CALD1: variants seen among roughly 807,000 people sequenced by gnomAD.
The protein encoded by CALD1 is caldesmon.
A neutral mutation model predicts 99.9 loss-of-function variants in CALD1; 33 were observed. That is an observed-to-expected ratio of 0.33 (90% CI 0.25 to 0.44). The LOEUF (loss-of-function observed/expected upper bound fraction) is 0.44. Ranked by LOEUF, CALD1 falls within the 20% of genes least tolerant of loss-of-function variation. CALD1 has a pLI of 1.00. For missense variants in CALD1, 861 were observed against 962.1 expected, an observed-to-expected ratio of 0.89 and a Z score of 1.39; for synonymous variants, 310 against 325.0, an observed-to-expected ratio of 0.95 and a Z score of 0.50.
At chr7:134,785,902 AT>A (rs1461898495) in intron 1 of CALD1, among the ~76,000 whole-genome samples, 1 of 152,232 alleles carries the variant, frequency 6.6e-6, no homozygotes, top group African/African-American at 2.4e-5. Flanking sequence ...AATTCATAGA[AT>A]TTTTAAGCTG....
chr7:134,874,345 T>A (rs1801247384), intron 3 of CALD1, among the ~76,000 whole-genome samples: 1 of 151,954 alleles, frequency 6.6e-6, no homozygotes, highest in Admixed American at 6.6e-5. Flanking sequence ...CACACCCAGC[T>A]AGTTTTTGTA....
intron 1 of CALD1, among the ~76,000 whole-genome samples, chr7:134,772,758 G>A (rs1796886923): frequency 6.6e-6 from 1 of 152,118 alleles, no homozygotes; most frequent in African/African-American, 2.4e-5. Flanking sequence ...TATTGCAAGT[G>A]CTTTTGCCAA....
intron 1 of CALD1, among the ~76,000 whole-genome samples, chr7:134,803,839 G>A (rs988957730): frequency 6.6e-6 from 1 of 152,010 alleles, no homozygotes; most frequent in Non-Finnish European, 1.5e-5. Flanking sequence ...GGGATTACAG[G>A]TGCAGGCCAC....
intron 7 of CALD1, chr7:134,944,381 G>C (rs1806691960): frequency 6.7e-6 from 1 of 149,840 alleles, no homozygotes; most frequent in Non-Finnish European, 1.5e-5. Context: ...TCTATGCAGT[G>C]CACTCTGATA....
the CALD1 span, among the ~76,000 whole-genome samples, chr7:134,727,470 C>T: frequency 6.6e-6 from 1 of 152,210 alleles, no homozygotes; most frequent in Non-Finnish European, 1.5e-5. Context: ...TCATCTAGTC[C>T]ACAAAATAGA....
chr7:134,717,244 T>C, the CALD1 span, among the ~76,000 whole-genome samples: 2 of 152,170 alleles, frequency 1.3e-5, no homozygotes, highest in Non-Finnish European at 2.9e-5. Flanking sequence ...GTAGGGTTCA[T>C]TCTGTGTTGC....
At chr7:134,934,153 T>A (rs1805766574) in intron 5 of CALD1, 76 bp downstream of exon 5, 2 of 1,540,508 alleles carry the variant, frequency 1.3e-6, no homozygotes, top group African/African-American at 1.4e-5. Context: ...GATTTGGGAC[T>A]GAGGCCACAT....
intron 1 of CALD1, among the ~76,000 whole-genome samples, chr7:134,798,602 T>G (rs191619614): frequency 6.6e-6 from 1 of 152,338 alleles, no homozygotes; most frequent in East Asian, 1.9e-4. Context: ...CCCCAAATCT[T>G]GAGATCTAAA....
At chr7:134,907,564 T>C (rs907049029) in intron 3 of CALD1, among the ~76,000 whole-genome samples, 6 of 152,188 alleles carry the variant, frequency 3.9e-5, no homozygotes, top group African/African-American at 1.2e-4. Context: ...CCTGGAAGCA[T>C]GCAAGTAAAA....
chr7:134,868,371 T>G (rs1052458889), intron 3 of CALD1: 2 of 152,202 alleles, frequency 1.3e-5, no homozygotes, highest in African/African-American at 4.8e-5. Flanking sequence ...TCTACAGTGG[T>G]GGCTATGAGG....
chr7:134,839,478 T>TGG (rs757038737), intron 1 of CALD1, among the ~76,000 whole-genome samples: 6 of 152,256 alleles, frequency 3.9e-5, no homozygotes, highest in Non-Finnish European at 8.8e-5. Flanking sequence ...CTTTAGCACA[T>TGG]GCTGCCAAAT....
chr7:134,866,067 CG>C (rs1800789813), intron 2 of CALD1, among the ~76,000 whole-genome samples: 3 of 152,306 alleles, frequency 2.0e-5, no homozygotes, highest in Non-Finnish European at 4.4e-5. Flanking sequence ...ACCTGGCATT[CG>C]AGTCCAGGAG....
intron 1 of CALD1, among the ~76,000 whole-genome samples, chr7:134,746,405 T>G (rs1796635260): frequency 1.3e-5 from 2 of 152,246 alleles, no homozygotes; most frequent in South Asian, 4.1e-4. Flanking sequence ...TTTTGTTGTT[T>G]ATAAGCCACC....
At chr7:134,965,151 C>T in intron 13 of CALD1, 155 bp from the exon 14 acceptor site, 1 of 606,778 alleles carries the variant, frequency 1.6e-6, no homozygotes, top group Non-Finnish European at 3.0e-6. Flanking sequence ...CAAACAACAG[C>T]TGATGGTCCT....
At chr7:134,714,282 G>C in the CALD1 span, among the ~76,000 whole-genome samples, 3 of 152,126 alleles carry the variant, frequency 2.0e-5, no homozygotes, top group South Asian at 4.1e-4. Context: ...GTTTAGAGGA[G>C]AGGAAGAAGT....
At chr7:134,801,830 G>A (rs943738519) in intron 1 of CALD1, among the ~76,000 whole-genome samples, 1 of 152,080 alleles carries the variant, frequency 6.6e-6, no homozygotes, top group Non-Finnish European at 1.5e-5. Flanking sequence ...TGATGGCCAG[G>A]CTGGTCTCAA....
chr7:134,806,949 T>C (rs542320490), intron 1 of CALD1, among the ~76,000 whole-genome samples: 22 of 152,302 alleles, frequency 1.4e-4, no homozygotes, highest in Admixed American at 2.0e-4. Flanking sequence ...CCATCATTTT[T>C]CCCCCAAATT....
intron 9 of CALD1, among the ~76,000 whole-genome samples, chr7:134,953,422 C>A (rs57603625): frequency 0.022 from 3,353 of 151,704 alleles, 124 homozygotes; most frequent in African/African-American, 0.077. Context: ...GTTAGCTGGG[C>A]GCAGTGGCGC....
At position 134,958,127 on chromosome 7, in the gene CALD1, T is replaced by A; in HGVS notation, c.1979+15T>A. Reference sequence around the variant, plus strand: ...GTGCAGAAAAGGTAAATATGCTTGATGGTTCAATTGAGCTAATCAGCTAGC... The same window carrying A: ...GTGCAGAAAAGGTAAATATGCTTGAAGGTTCAATTGAGCTAATCAGCTAGC... On this transcript the variant is annotated intron_variant, in intron 10 of 14. Transcript: ENST00000361675. 6.2e-7 allele frequency: 1 copy of A among 1,609,806 alleles called. No individual in the cohort carries two copies. Among genetic ancestry groups the A allele is most frequent in the Non-Finnish European group, 8.5e-7 (1 of 1,176,508 alleles).
Sources: allele counts gnomAD v4.1 joint callset (sites outside exome capture counted in the v4.1 genomes callset), GRCh38; gene constraint gnomAD v4.1.1; transcripts MANE v1.5; gene names NCBI Gene and HGNC (gene_info 2026-07-23, HGNC 2026-07-21).